Variants in RYR2 observed in about 807,000 individuals in gnomAD.
RYR2 encodes cardiac muscle ryanodine receptor-calcium release channel.
A neutral mutation model predicts 601.1 loss-of-function variants in RYR2; 227 were observed. That is an observed-to-expected ratio of 0.38 (90% CI 0.34 to 0.42). RYR2 has a LOEUF of 0.42. RYR2 is among the 10% of genes least tolerant of loss of function. RYR2 has a pLI of 1.00. For synonymous variants in RYR2, 2,223 were observed against 2,175.1 expected, an observed-to-expected ratio of 1.02 and a Z score of -0.61; for missense variants, 4,646 against 6,156.5, an observed-to-expected ratio of 0.75 and a Z score of 8.21.
intron 16 of RYR2, among the ~76,000 whole-genome samples, chr1:237,458,741 A>T (rs1299147566): frequency 6.0e-5 from 2 of 33,388 alleles, no homozygotes; most frequent in African/African-American, 1.5e-4. Context: ...AAAAAAAGTT[A>T]AAAAAAAAAA....
chr1:237,131,702 G>A (rs917459576), intron 1 of RYR2, among the ~76,000 whole-genome samples: 2 of 152,124 alleles, frequency 1.3e-5, no homozygotes, highest in African/African-American at 4.8e-5. Flanking sequence ...AAGATGGCCT[G>A]TAATGATCCC....
intron 4 of RYR2, among the ~76,000 whole-genome samples, chr1:237,362,709 T>C (rs1699880051): frequency 6.6e-6 from 1 of 152,190 alleles, no homozygotes; most frequent in Admixed American, 6.5e-5. Context: ...GAACAAGAAA[T>C]GGTTTGTACA....
At chr1:237,828,332 A>G in intron 101 of RYR2, 49 bp from the exon 102 acceptor site, 2 of 1,339,516 alleles carry the variant, frequency 1.5e-6, no homozygotes, top group Non-Finnish European at 2.1e-6. Context: ...AAGGAACTGA[A>G]TTATTCATTG....
intron 8 of RYR2, among the ~76,000 whole-genome samples, chr1:237,383,511 G>C (rs1443847070): frequency 2.3e-5 from 3 of 129,884 alleles, no homozygotes; most frequent in Middle Eastern, 4.9e-3. Flanking sequence ...CTCGCTGCAA[G>C]CTCCACCTCC....
At chr1:237,576,645 T>C (rs1168724081) in intron 29 of RYR2, among the ~76,000 whole-genome samples, 1 of 152,018 alleles carries the variant, frequency 6.6e-6, no homozygotes, top group Non-Finnish European at 1.5e-5. Context: ...TATAGACAAA[T>C]TTAAGAACAT....
chr1:237,671,397 C>G (rs904399817), intron 58 of RYR2, among the ~76,000 whole-genome samples: 2 of 151,934 alleles, frequency 1.3e-5, no homozygotes, highest in Non-Finnish European at 2.9e-5. Context: ...GGGGAGGATC[C>G]TTATAGCCAA....
chr1:237,661,701 C>T (rs550358300), intron 56 of RYR2, among the ~76,000 whole-genome samples: 124 of 152,198 alleles, frequency 8.1e-4, no homozygotes, highest in Non-Finnish European at 1.1e-3. Flanking sequence ...CAAGGGCGCT[C>T]CTGTCTGCAG....
intron 1 of RYR2, among the ~76,000 whole-genome samples, chr1:237,074,551 G>T (rs1335795930): frequency 6.6e-6 from 1 of 152,122 alleles, no homozygotes; most frequent in Admixed American, 6.5e-5. Context: ...TTGTCTTATT[G>T]CATAACTTGT....
intron 29 of RYR2, among the ~76,000 whole-genome samples, chr1:237,579,836 C>T (rs972015743): frequency 2.0e-5 from 3 of 152,032 alleles, no homozygotes; most frequent in Non-Finnish European, 4.4e-5. Flanking sequence ...GATTCCCTTA[C>T]AGAATATATC....
At chr1:237,641,152 G>A (rs562249487) in intron 47 of RYR2, 150 bp downstream of exon 47, 1 of 518,434 alleles carries the variant, frequency 1.9e-6, no homozygotes, top group South Asian at 4.6e-5. Flanking sequence ...ACAAGTGTTT[G>A]TTTAGTTGGA....
chr1:237,286,171 C>G (rs1468305446), intron 2 of RYR2, among the ~76,000 whole-genome samples: 2 of 152,044 alleles, frequency 1.3e-5, no homozygotes, highest in African/African-American at 2.4e-5. Flanking sequence ...ATGAACTTCC[C>G]TCTTAGCACC....
At chr1:237,508,734 CTTT>C (rs869044432) in intron 23 of RYR2, among the ~76,000 whole-genome samples, 1,261 of 77,710 alleles carry the variant, frequency 0.016, 30 homozygotes, top group African/African-American at 0.046. Flanking sequence ...TTCGGGTTTT[CTTT>C]TTTTTTTTTT....
In RYR2 at chr1:237,803,522, G is replaced by C. The variant is rs373185412; in HGVS notation, c.14151+1606G>C. ...TCACCATGTTAGCCAGGATGGTCTC[G>C]ATCTCCTGACCTCGTGAACCGACCG... On this transcript the variant is annotated intron_variant, in intron 98 of 104. Transcript: ENST00000366574. 6.1e-3 allele frequency among the ~76,000 whole-genome samples: 934 copies of C among 152,062 alleles called. 10 individuals are homozygous for C. Among genetic ancestry groups the C allele is most frequent in the African/African-American group, 0.016 (683 of 41,452 alleles).
intron 17 of RYR2, among the ~76,000 whole-genome samples, chr1:237,490,091 C>CAT (rs951175978): frequency 2.6e-5 from 4 of 152,160 alleles, no homozygotes; most frequent in African/African-American, 9.6e-5. Context: ...CAGAAAACCA[C>CAT]ATACAGCGTA....
intron 48 of RYR2, among the ~76,000 whole-genome samples, 152 bp from the exon 49 acceptor site, chr1:237,648,292 A>G (rs1682376974): frequency 6.6e-6 from 1 of 152,214 alleles, no homozygotes; most frequent in African/African-American, 2.4e-5. Flanking sequence ...TTCCTCAGCA[A>G]ACTCCCATAA....
At chr1:237,794,561 CTGAGTA>C (rs764158119) in intron 95 of RYR2, among the ~76,000 whole-genome samples, 51 of 152,242 alleles carry the variant, frequency 3.3e-4, no homozygotes, top group Admixed American at 7.2e-4. Flanking sequence ...AGCTGCTGTT[CTGAGTA>C]TAAGTCCATC....
chr1:237,570,620 T>A (rs1284485259), intron 29 of RYR2, among the ~76,000 whole-genome samples: 1 of 152,060 alleles, frequency 6.6e-6, no homozygotes, highest in Non-Finnish European at 1.5e-5. Context: ...ATTACAGGCC[T>A]GAGCCACCAT....
rs12079617 is a variant in RYR2 at position 237,389,875 on chromosome 1, G to C, written c.773+1692G>C. 6.1e-3 allele frequency among the ~76,000 whole-genome samples: 928 copies of C among 152,194 alleles called. 9 individuals are homozygous for C. The highest frequency in any genetic ancestry group is 0.02 in the African/African-American group (829 of 41,522). ...GTAAGGGGGATATTTAAAGGAATGG[G>C]GTCTATCATATGTTCATCAGATGGA... On this transcript the variant is annotated intron_variant, in intron 10 of 104. Transcript: ENST00000366574.
chr1:237,339,334 AT>A, intron 3 of RYR2, among the ~76,000 whole-genome samples: 1 of 152,254 alleles, frequency 6.6e-6, no homozygotes, highest in South Asian at 2.1e-4. Flanking sequence ...TTATTTAGTT[AT>A]TTTTAATTAA....
Sources: allele counts gnomAD v4.1 joint callset (sites outside exome capture counted in the v4.1 genomes callset), GRCh38; gene constraint gnomAD v4.1.1; transcripts MANE v1.5; gene names NCBI Gene and HGNC (gene_info 2026-07-23, HGNC 2026-07-21).